Variants in TUT7 observed in about 807,000 individuals in gnomAD.
TUT7 encodes the protein terminal uridylyl transferase 7.
In TUT7, 33 loss-of-function variants were observed where a neutral mutation model predicts 165.9. The ratio of observed to expected loss-of-function variants is 0.20; its 90% confidence interval spans 0.15 to 0.27. The LOEUF is 0.27. TUT7 is among the 10% of genes least tolerant of loss of function. The pLI is 1.00. For synonymous variants in TUT7, 552 were observed against 608.1 expected, an observed-to-expected ratio of 0.91 and a Z score of 1.36; for missense variants, 1,338 against 1,762.3, an observed-to-expected ratio of 0.76 and a Z score of 4.31.
At chr9:86,300,546 CTTA>C (rs890761096) in intron 26 of TUT7, among the ~76,000 whole-genome samples, 2 of 152,172 alleles carry the variant, frequency 1.3e-5, no homozygotes, top group African/African-American at 2.4e-5. Flanking sequence ...TAAATCATTA[CTTA>C]TTATACACAC....
intron 14 of TUT7, 120 bp from the exon 15 acceptor site, chr9:86,319,790 A>C: frequency 1.4e-6 from 1 of 692,746 alleles, no homozygotes; most frequent in Non-Finnish European, 2.4e-6. Context: ...AAATTCCTAA[A>C]TCATTGTGTC....
intron 10 of TUT7, among the ~76,000 whole-genome samples, chr9:86,330,946 C>G (rs1179959893): frequency 6.6e-6 from 1 of 151,318 alleles, no homozygotes; most frequent in African/African-American, 2.4e-5. Flanking sequence ...GTGATCATAG[C>G]TCACTGCAGC....
chr9:86,312,725 GAA>G (rs1288527472), intron 17 of TUT7, among the ~76,000 whole-genome samples: 2 of 152,338 alleles, frequency 1.3e-5, no homozygotes, highest in East Asian at 1.9e-4. Context: ...TGTCTGTGTA[GAA>G]AGAGGTAGAC....
At chr9:86,298,872 A>G (rs915495749) in intron 26 of TUT7, 1 of 942,394 alleles carries the variant, frequency 1.1e-6, no homozygotes, top group African/African-American at 1.8e-5. Flanking sequence ...CGAAAGGAAG[A>G]GCATCTGAAA....
At chr9:86,347,839 A>T (rs1368247526) in intron 2 of TUT7, among the ~76,000 whole-genome samples, 2 of 152,034 alleles carry the variant, frequency 1.3e-5, no homozygotes, top group Non-Finnish European at 2.9e-5. Context: ...TCCCAATTAA[A>T]TTATCATAAT....
At chr9:86,342,932 G>A (rs1018321775) in intron 6 of TUT7, 143 bp downstream of exon 6, 1 of 543,572 alleles carries the variant, frequency 1.8e-6, no homozygotes, top group Non-Finnish European at 3.2e-6. Context: ...AAAAAAAAAA[G>A]CTCTGAAACT....
rs546748590 is a variant in TUT7, at chr9:86,311,894, T to A, written c.3275-1085A>T. 6.6e-6 allele frequency among the ~76,000 whole-genome samples: 1 copy of A among 152,206 alleles called. No homozygotes were observed. The highest frequency in any genetic ancestry group is 1.5e-5 in the Non-Finnish European group (1 of 68,028). On this transcript the variant is annotated intron_variant, in intron 17 of 26. Transcript: ENST00000375963. This position sits in a 1 kb window ranked among gnomAD's most constrained non-coding sequence, Gnocchi z 4.4. ...GCCTTGGCCTCCGGAGGTGCCGGGA[T>A]TGCAGACGGAGTCTCGTTCACTCAG...
intron 1 of TUT7, 148 bp from the exon 2 acceptor site, chr9:86,353,378 A>C: frequency 1.5e-6 from 1 of 651,414 alleles, no homozygotes; most frequent in South Asian, 2.7e-5. Context: ...TCACATTCTT[A>C]ATAATCAGTG....
chr9:86,316,188 T>C (rs1415898980), intron 17 of TUT7, among the ~76,000 whole-genome samples: 1 of 152,220 alleles, frequency 6.6e-6, no homozygotes, highest in Non-Finnish European at 1.5e-5. Context: ...ATAGCTGCCA[T>C]GACAACAAAA....
Position 86,345,007 on chromosome 9 carries a change from T to C in TUT7, c.967A>G (p.Met323Val), listed in dbSNP as rs1373149418. ...LEQRLEIKRIMENVFQHKLPD... is the reference protein window; with the variant it reads ...LEQRLEIKRIVENVFQHKLPD... ...AACTTGTGTTGGAACACATTTTCCA[T>C]GATACGTTTAATTTCCAGCCTCTGT... The change falls in exon 5 of 27, where the codon ATG (methionine) becomes GTG (valine). Residue 323 changes from methionine (M) to valine (V), a missense_variant. This residue lies in a region of TUT7 where 434 missense variants were observed against 480.8 expected (regional missense o/e 0.90). Transcript: ENST00000375963. The C allele has an allele frequency of 1.9e-6, 3 of 1,613,082 alleles. No homozygotes were observed. The highest frequency in any genetic ancestry group is 1.7e-5 in the Admixed American group (1 of 59,838).
At chr9:86,312,755 T>C (rs935370997) in intron 17 of TUT7, among the ~76,000 whole-genome samples, 3 of 152,196 alleles carry the variant, frequency 2.0e-5, no homozygotes, top group Admixed American at 2.0e-4. Flanking sequence ...ACTTTTCATT[T>C]TGTTCTGTAC....
At chr9:86,340,208 C>A in intron 7 of TUT7, 103 bp from the exon 8 acceptor site, 1 of 919,922 alleles carries the variant, frequency 1.1e-6, no homozygotes, top group Non-Finnish European at 1.7e-6. Context: ...GCTGTTGAGT[C>A]TTTTGAAAGA....
In TUT7 at chr9:86,346,438, G is replaced by A. The variant is rs61747122; in HGVS notation, c.563C>T (p.Thr188Ile). ...QRSRPRKPRK[T>I]RNEENEQDGD... ...ATCCTGCTCATTTTCCTCATTTCTAGTCTTCCGTGGCTTCCTAGGTCTGGA... is the reference window on the plus strand; with the variant it reads ...ATCCTGCTCATTTTCCTCATTTCTAATCTTCCGTGGCTTCCTAGGTCTGGA... The change falls in exon 3 of 27, where the codon ACT becomes ATT. Residue 188 changes from threonine (T) to isoleucine (I), a missense_variant. Thr to Ile is a moderately conservative substitution (Grantham distance 89). Transcript: ENST00000375963. The A allele has an allele frequency of 3.7e-3, 5,960 of 1,613,946 alleles. 185 individuals are homozygous for A. The African/African-American group carries it at 0.068, about 18-fold the overall frequency.
chr9:86,349,576 A>G (rs1048330219), intron 2 of TUT7, among the ~76,000 whole-genome samples: 1 of 152,192 alleles, frequency 6.6e-6, no homozygotes, highest in Non-Finnish European at 1.5e-5. Flanking sequence ...TGGGGGGGAA[A>G]AAAGCAACTC....
rs373880939 is a variant in TUT7, at chr9:86,302,853, C to T, written c.4094+233G>A. Among the ~76,000 whole-genome samples, 118 of 152,318 alleles carry T rather than the reference C, an allele frequency of 7.7e-4. 1 individual carries two copies. The East Asian group carries it at 0.014, about 18-fold the overall frequency. On this transcript the variant is annotated intron_variant, in intron 25 of 26. Transcript: ENST00000375963. ...TGAACTCCTGACCTCAGGTGATCCA[C>T]TCGCCTTGGCCTCCCAAAGTGCTGG... is the stretch of plus-strand genomic sequence containing the variant.
rs1406609969 is a variant in TUT7 at position 86,323,300 on chromosome 9, G to A, written c.2450C>T (p.Thr817Ile). ...GTCTTCTAGTTCCTCAGTACCTTCT[G>A]TACTTTCTCCATCAAGATCAGCCTT... Reference protein sequence around the residue: ...DNKADLDGESTEGTEELEDSL... With the variant: ...DNKADLDGESIEGTEELEDSL... The change falls in exon 13 of 27, where the codon ACA becomes ATA. Residue 817 changes from threonine (T) to isoleucine (I), a missense_variant. Thr to Ile is a moderately conservative substitution (Grantham distance 89). Coordinates refer to ENST00000375963, the MANE Select transcript of TUT7 (RefSeq NM_024617.4). 2 of 1,614,132 alleles carry A rather than the reference G, an allele frequency of 1.2e-6. No individual in the cohort carries two copies. Among genetic ancestry groups the A allele is most frequent in the Non-Finnish European group, 1.7e-6 (2 of 1,180,028 alleles).
chr9:86,345,260 C>A, intron 4 of TUT7, 106 bp from the exon 5 acceptor site: 1 of 1,071,572 alleles, frequency 9.3e-7, no homozygotes, highest in East Asian at 2.6e-5. Context: ...TTAGCCCTCC[C>A]TTCTCATTTT....
chr9:86,309,399 G>A, intron 20 of TUT7, 64 bp downstream of exon 20: 1 of 1,485,094 alleles, frequency 6.7e-7, no homozygotes, highest in Non-Finnish European at 9.2e-7. Context: ...GAATTTTAGA[G>A]GAGGAGAAAG....
At chr9:86,342,374 A>T (rs577680488) in intron 6 of TUT7, among the ~76,000 whole-genome samples, 4 of 152,278 alleles carry the variant, frequency 2.6e-5, no homozygotes, top group African/African-American at 9.6e-5. Flanking sequence ...ACAGCAGAGA[A>T]ATGGATAATC....
Sources: allele counts gnomAD v4.1 joint callset (sites outside exome capture counted in the v4.1 genomes callset), GRCh38; gene constraint gnomAD v4.1.1; regional missense constraint gnomAD v4.1.1; non-coding constraint Gnocchi (gnomAD v3.1); transcripts MANE v1.5; gene names NCBI Gene and HGNC (gene_info 2026-07-23, HGNC 2026-07-21).